Variants in ZNF879 observed in about 807,000 individuals in gnomAD.
ZNF879 encodes the protein zinc finger protein 879.
In ZNF879, 32 loss-of-function variants were observed where a neutral mutation model predicts 44.3. That is an observed-to-expected ratio of 0.72 (90% CI 0.54 to 0.97). The LOEUF (loss-of-function observed/expected upper bound fraction) is 0.97, where lower values mean the gene tolerates loss of function less well. ZNF879 is among the 50% of genes least tolerant of loss of function. The pLI, the probability that ZNF879 is intolerant of heterozygous loss-of-function variation, is 0.00. For synonymous variants in ZNF879, 234 were observed against 233.2 expected, an observed-to-expected ratio of 1.00 and a Z score of -0.03; for missense variants, 621 against 669.7, an observed-to-expected ratio of 0.93 and a Z score of 0.80.
Position 179,032,481 on chromosome 5 carries a change from C to T in ZNF879, c.533C>T (p.Ser178Phe). The change falls in exon 5 of 5, where the codon TCC becomes TTC. Residue 178 changes from serine (S) to phenylalanine (F), a missense_variant. Physicochemically the swap from Ser to Phe is radical, Grantham distance 155. Transcript: ENST00000444149. Reference protein sequence around the residue: ...SSLIRKPRIVSRGRRPRSQQY... With the variant: ...SSLIRKPRIVFRGRRPRSQQY... ...CTTATTAGAAAACCGAGAATAGTTTCCAGAGGAAGGAGACCCCGTTCACAG... is the reference window on the plus strand; with the variant it reads ...CTTATTAGAAAACCGAGAATAGTTTTCAGAGGAAGGAGACCCCGTTCACAG... 1 of 1,551,638 alleles carries T rather than the reference C, an allele frequency of 6.4e-7. No homozygotes were observed. The highest frequency in any genetic ancestry group is 8.7e-7 in the Non-Finnish European group (1 of 1,146,984).
intron 4 of ZNF879, among the ~76,000 whole-genome samples, chr5:179,029,769 CAGTGAG>C: frequency 6.6e-6 from 1 of 152,248 alleles, no homozygotes; most frequent in Admixed American, 6.5e-5. Flanking sequence ...GAGACAGACA[CAGTGAG>C]AGAGAGATAC....
At chr5:179,027,442 T>G (rs1581098917) in intron 2 of ZNF879, 31 bp from the exon 3 acceptor site, 2 of 1,612,222 alleles carry the variant, frequency 1.2e-6, no homozygotes, top group East Asian at 2.2e-5. Flanking sequence ...GGGACAGTCC[T>G]GGATGAACAG....
At chr5:179,027,083 C>T (rs1187358096) in intron 2 of ZNF879, among the ~76,000 whole-genome samples, 1 of 152,230 alleles carries the variant, frequency 6.6e-6, no homozygotes, top group Non-Finnish European at 1.5e-5. Context: ...CAGTGACCGC[C>T]TTTCCCAGCA....
chr5:179,033,137 G>A lies in ZNF879; in HGVS notation c.1189G>A (p.Glu397Lys). The part of the protein sequence containing the change: ...LIIHQRIHTG[E>K]KPYACKECGK... ...CATACATCAGAGAATTCACACTGGT[G>A]AGAAACCATATGCATGCAAAGAATG... Residue 397 changes from glutamate (E) to lysine (K), a missense_variant, in exon 5 of 5, where the codon GAG becomes AAG. By Grantham distance (56) the Glu-to-Lys change is moderately conservative. Transcript: ENST00000444149. The A allele has an allele frequency of 6.3e-7, 1 of 1,586,888 alleles. No individual in the cohort carries two copies. The highest frequency in any genetic ancestry group is 8.6e-7 in the Non-Finnish European group (1 of 1,166,344).
chr5:179,031,435 G>A (rs1761415941), intron 4 of ZNF879, among the ~76,000 whole-genome samples: 1 of 152,142 alleles, frequency 6.6e-6, no homozygotes, highest in South Asian at 2.1e-4. Flanking sequence ...TTTCTGACTG[G>A]AATCACCTTT....
chr5:179,024,991 G>C lies in ZNF879; in HGVS notation c.-14G>C. 1.3e-6 allele frequency: 2 copies of C among 1,551,630 alleles called. No individual in the cohort carries two copies. Among genetic ancestry groups the C allele is most frequent in the Non-Finnish European group, 1.7e-6 (2 of 1,146,958 alleles). On this transcript the variant is annotated 5_prime_UTR_variant, in exon 2 of 5. Transcript: ENST00000444149. ...CCAGGTGCCTTCTCCAAGAGAGGCAGCAGGGAGGGAGAAATGGCAAGGAGG... is the reference window on the plus strand; with the variant it reads ...CCAGGTGCCTTCTCCAAGAGAGGCACCAGGGAGGGAGAAATGGCAAGGAGG...
chr5:179,033,031 G>T lies in ZNF879; in HGVS notation c.1083G>T (p.Arg361Ser). 1 of 1,557,506 alleles carries T rather than the reference G, an allele frequency of 6.4e-7. No individual in the cohort carries two copies. Among genetic ancestry groups the T allele is most frequent in the East Asian group, 2.4e-5 (1 of 41,176 alleles). The stretch of plus-strand genomic sequence containing the variant: ...TCACTTCAATATCGCGGCTAAGTAG[G>T]CACCATCGAATTCATACTGGAGAGA... ...KAFTSISRLS[R>S]HHRIHTGEKP... is the part of the protein sequence containing the mutation. The change falls in exon 5 of 5, where the codon AGG becomes AGT. Residue 361 changes from arginine (R) to serine (S), a missense_variant. Coordinates refer to ENST00000444149, the MANE Select transcript of ZNF879 (RefSeq NM_001136116.3).
chr5:179,023,832 G>C lies in ZNF879; in HGVS notation c.-108G>C, dbSNP rs899366494. On this transcript the variant is annotated 5_prime_UTR_variant, in exon 1 of 5. Coordinates refer to ENST00000444149, the MANE Select transcript of ZNF879 (RefSeq NM_001136116.3). Reference sequence around the variant, plus strand: ...GTTGCGCCCGGCAGCGACGGGAAACGTCTCTGAATTAGGTGTTCCGCTCGC... The same window carrying C: ...GTTGCGCCCGGCAGCGACGGGAAACCTCTCTGAATTAGGTGTTCCGCTCGC... 6.6e-6 allele frequency: 1 copy of C among 152,296 alleles called. No homozygotes were observed. The highest frequency in any genetic ancestry group is 1.5e-5 in the Non-Finnish European group (1 of 68,076). 9.4% of individuals were successfully genotyped at this position (152,296 alleles called of 1,614,324 possible).
Position 179,033,683 on chromosome 5 carries a change from A to G in ZNF879, c.*43A>G. The G allele has an allele frequency of 1.5e-6, 2 of 1,356,114 alleles. No homozygotes were observed. The highest frequency in any genetic ancestry group is 2.0e-6 in the Non-Finnish European group (2 of 1,016,356). 84.0% of individuals were successfully genotyped at this position (1,356,114 alleles called of 1,614,324 possible). ...CATGTAGGAACTGAAGTTATATTCC[A>G]TACTGAGTATCAAAAAATTCATTGT... On this transcript the variant is annotated 3_prime_UTR_variant, in exon 5 of 5. Coordinates refer to ENST00000444149, the MANE Select transcript of ZNF879 (RefSeq NM_001136116.3).
chr5:179,024,077 C>T (rs1235234898), intron 1 of ZNF879, among the ~76,000 whole-genome samples, 173 bp downstream of exon 1: 1 of 152,172 alleles, frequency 6.6e-6, no homozygotes, highest in Admixed American at 6.5e-5. Context: ...AAGGGCCTGG[C>T]GGAGGCCGGG....
chr5:179,028,119 C>T lies in ZNF879; in HGVS notation c.248C>T (p.Ala83Val). 1.9e-6 allele frequency: 3 copies of T among 1,551,404 alleles called. No homozygotes were observed. The highest frequency in any genetic ancestry group is 2.6e-6 in the Non-Finnish European group (3 of 1,146,866). Reference protein sequence around the residue: ...WMVESGVPQGAHLGWESLFGT... With the variant: ...WMVESGVPQGVHLGWESLFGT... ...GTGGAGAGTGGAGTTCCCCAAGGCG[C>T]ACATCTCGGTGAGTGACAGAGTAAT... The change falls in exon 4 of 5, where the codon GCA becomes GTA. Residue 83 changes from alanine (A) to valine (V), a missense_variant. Physicochemically the swap from Ala to Val is moderately conservative, Grantham distance 64. Transcript: ENST00000444149.
chr5:179,027,120 C>T (rs1761294621), intron 2 of ZNF879, among the ~76,000 whole-genome samples: 1 of 152,210 alleles, frequency 6.6e-6, no homozygotes, highest in African/African-American at 2.4e-5. Context: ...ACCTATATCT[C>T]CCTCAGTGAA....
intron 2 of ZNF879, among the ~76,000 whole-genome samples, chr5:179,026,194 A>G (rs1761265116): frequency 6.6e-6 from 1 of 152,210 alleles, no homozygotes; most frequent in African/African-American, 2.4e-5. Context: ...TAGAGTATGA[A>G]CAAAGTGCAA....
In ZNF879 at chr5:179,028,019, T is replaced by G. The variant is rs771709791; in HGVS notation, c.161-13T>G. The G allele has an allele frequency of 8.4e-6, 13 of 1,551,188 alleles. 1 individual carries two copies. In the East Asian group the frequency reaches 2.7e-4, roughly 32 times the overall value. On this transcript the variant is annotated splice_polypyrimidine_tract_variant and intron_variant, in intron 3 of 4. Coordinates refer to ENST00000444149, the MANE Select transcript of ZNF879 (RefSeq NM_001136116.3). ...ACGATGGCCGCTCACGTTTCTTTCT[T>G]GTTCATGAACAGGGATTCTCTTTTC...
rs1052976757 is a variant in ZNF879 at position 179,034,872 on chromosome 5, T to A, written c.*1232T>A. 6.6e-6 allele frequency: 1 copy of A among 152,116 alleles called. No homozygotes were observed. Among genetic ancestry groups the A allele is most frequent in the African/African-American group, 2.4e-5 (1 of 41,420 alleles). The allele number at this position is 152,116 out of a possible 1,614,324, so 9.4% of individuals were successfully genotyped here. Reference sequence around the variant, plus strand: ...GCACTTAAGGGCTGAAACGACCCATTTCATAAAGTGCTAAGTTTTTCTGCC... The same window carrying A: ...GCACTTAAGGGCTGAAACGACCCATATCATAAAGTGCTAAGTTTTTCTGCC... On this transcript the variant is annotated 3_prime_UTR_variant, in exon 5 of 5. Coordinates refer to ENST00000444149, the MANE Select transcript of ZNF879 (RefSeq NM_001136116.3).
rs1761528523 is a variant in ZNF879 at position 179,034,468 on chromosome 5, C to T, written c.*828C>T. 1 of 152,244 alleles carries T rather than the reference C, an allele frequency of 6.6e-6. No homozygotes were observed. The highest frequency in any genetic ancestry group is 2.1e-4 in the South Asian group (1 of 4,836). 9.4% of individuals were successfully genotyped at this position (152,244 alleles called of 1,614,324 possible). A position where few individuals can be genotyped will look rare whatever the true frequency, so the allele number is the denominator to read the frequency against. On this transcript the variant is annotated 3_prime_UTR_variant, in exon 5 of 5. Transcript: ENST00000444149. ...GCAAGCACAGCTCAGCTCCCAGGGT[C>T]TGCCTGCTTCTGTGAGCTTTCTGGT...
chr5:179,027,149 C>T (rs142880409), intron 2 of ZNF879, among the ~76,000 whole-genome samples: 4 of 152,228 alleles, frequency 2.6e-5, no homozygotes, highest in East Asian at 3.9e-4. Context: ...TGCCTCCTTC[C>T]GAAACCTGAC....
intron 4 of ZNF879, among the ~76,000 whole-genome samples, chr5:179,029,117 T>G (rs80243196): frequency 6.7e-6 from 1 of 150,068 alleles, no homozygotes; most frequent in East Asian, 2.0e-4. Context: ...TTTTTTTTTT[T>G]CCTCTCTGCA....
At chr5:179,024,876 G>A (rs1191880952) in intron 1 of ZNF879, 94 bp from the exon 2 acceptor site, 3 of 965,980 alleles carry the variant, frequency 3.1e-6, no homozygotes, top group African/African-American at 3.3e-5. Context: ...TTCTCTGCAG[G>A]TGCTCAGCTT....
Sources: gnomAD v4.1 joint callset for allele counts (sites outside exome capture counted in the v4.1 genomes callset) on GRCh38, gnomAD v4.1.1 for gene constraint, MANE v1.5 for transcripts, NCBI Gene and HGNC (gene_info 2026-07-23, HGNC 2026-07-21) for gene names.